Variants in BCL9 observed in about 807,000 individuals in gnomAD.
BCL9 encodes B-cell CLL/lymphoma 9 protein.
A neutral mutation model predicts 88.5 loss-of-function variants in BCL9; 25 were observed. The observed-to-expected ratio is 0.28, with a 90% CI of 0.21 to 0.39. The LOEUF is 0.39. Ranked by LOEUF, BCL9 falls within the 10% of genes least tolerant of loss-of-function variation. The pLI is 1.00. For missense variants in BCL9, 1,817 were observed against 1,877.8 expected (o/e 0.97, Z 0.60); for synonymous variants, 711 against 673.3 (o/e 1.06, Z -0.87).
intron 1 of BCL9, among the ~76,000 whole-genome samples, chr1:147,579,824 C>G (rs781993833): frequency 3.6e-4 from 55 of 152,154 alleles, no homozygotes; most frequent in Non-Finnish European, 6.8e-4. Context: ...AATATTAACT[C>G]GAACCACAGC....
intron 7 of BCL9, among the ~76,000 whole-genome samples, chr1:147,616,379 G>A (rs1358292173): frequency 6.6e-6 from 1 of 152,210 alleles, no homozygotes; most frequent in African/African-American, 2.4e-5. Flanking sequence ...TAAGACCATT[G>A]AATGTTTTTA....
At chr1:147,582,167 A>G (rs1214482626) in intron 1 of BCL9, among the ~76,000 whole-genome samples, 1 of 152,234 alleles carries the variant, frequency 6.6e-6, no homozygotes, top group Non-Finnish European at 1.5e-5. Context: ...ACTGTTTCAT[A>G]TAACTTTATA....
intron 1 of BCL9, among the ~76,000 whole-genome samples, chr1:147,548,464 C>T (rs1553194482): frequency 6.6e-6 from 1 of 152,176 alleles, no homozygotes; most frequent in Non-Finnish European, 1.5e-5. Context: ...GGCATTTCTT[C>T]TGGGAAGTTT....
chr1:147,596,773 T>TATTA (rs1570879432), intron 1 of BCL9, among the ~76,000 whole-genome samples: 1 of 152,170 alleles, frequency 6.6e-6, no homozygotes, highest in African/African-American at 2.4e-5. Context: ...CATTTTCAAT[T>TATTA]ATTAATGACT....
intron 1 of BCL9, among the ~76,000 whole-genome samples, chr1:147,556,817 C>T (rs1444094378): frequency 6.6e-6 from 1 of 152,138 alleles, no homozygotes; most frequent in Non-Finnish European, 1.5e-5. Flanking sequence ...TGAGACAGCT[C>T]CTGCTCAATA....
At chr1:147,572,339 T>A (rs1290250234) in intron 1 of BCL9, among the ~76,000 whole-genome samples, 1 of 152,194 alleles carries the variant, frequency 6.6e-6, no homozygotes, top group Non-Finnish European at 1.5e-5. Context: ...TACATTCTTG[T>A]GGGGTATAAG....
intron 1 of BCL9, among the ~76,000 whole-genome samples, chr1:147,562,331 A>AAAATAAAT (rs112623935): frequency 0.014 from 2,083 of 152,116 alleles, 55 homozygotes; most frequent in African/African-American, 0.048. Flanking sequence ...TTCCATCTCA[A>AAAATAAAT]AAATAAATAA....
At chr1:147,613,342 A>G (rs950141141) in intron 5 of BCL9, 143 bp downstream of exon 5, 3 of 820,570 alleles carry the variant, frequency 3.7e-6, no homozygotes, top group Non-Finnish European at 5.7e-6. Flanking sequence ...ACAGTTTATG[A>G]TGGAACTATT....
chr1:147,572,248 A>G (rs371803809), intron 1 of BCL9, among the ~76,000 whole-genome samples: 7 of 147,504 alleles, frequency 4.7e-5, no homozygotes, highest in Non-Finnish European at 1.1e-4. Flanking sequence ...GTCTCAAAAA[A>G]ACAAAAACAA....
At chr1:147,587,397 C>T (rs1656661788) in intron 1 of BCL9, among the ~76,000 whole-genome samples, 1 of 152,178 alleles carries the variant, frequency 6.6e-6, no homozygotes, top group African/African-American at 2.4e-5. Context: ...GCCGCCCCTC[C>T]CCCGGAACAG....
At chr1:147,549,524 C>CTT (rs1553194594) in intron 1 of BCL9, among the ~76,000 whole-genome samples, 5 of 152,162 alleles carry the variant, frequency 3.3e-5, no homozygotes, top group Admixed American at 1.3e-4. Flanking sequence ...TCTGGACAAT[C>CTT]AGAGAATAGA....
Position 147,620,591 on chromosome 1 carries a change from C to T in BCL9, c.2436C>T (p.Ser812=). The T allele has an allele frequency of 6.2e-7, 1 of 1,614,190 alleles. No homozygotes were observed. The highest frequency in any genetic ancestry group is 8.5e-7 in the Non-Finnish European group (1 of 1,180,024). ...EPIGPDQRTN[S]RLSHMPPLPL... is the part of the protein sequence containing the mutation. ...TTGGGCCCGACCAGAGGACTAACAG[C>T]CGGCTCAGTCATATGCCACCACTAC... The change falls in exon 8 of 10, where the codon AGC becomes AGT. Residue 812 remains serine (S), a synonymous_variant. Coordinates refer to ENST00000234739, the MANE Select transcript of BCL9 (RefSeq NM_004326.4).
At chr1:147,613,254 G>C in intron 5 of BCL9, 55 bp downstream of exon 5, 1 of 1,585,528 alleles carries the variant, frequency 6.3e-7, no homozygotes, top group Non-Finnish European at 8.7e-7. Context: ...CTGAGGGAAG[G>C]CCTCTGACAT....
At chr1:147,601,103 C>T (rs1038933581) in intron 1 of BCL9, among the ~76,000 whole-genome samples, 17 of 152,092 alleles carry the variant, frequency 1.1e-4, no homozygotes, top group African/African-American at 3.9e-4. Context: ...GGGAAGGCTA[C>T]CAAGCATGAA....
intron 1 of BCL9, among the ~76,000 whole-genome samples, chr1:147,565,020 G>A (rs1553196534): frequency 1.3e-5 from 2 of 152,214 alleles, no homozygotes; most frequent in Non-Finnish European, 2.9e-5. Flanking sequence ...GGGCAGTGCA[G>A]ATAGAGAACA....
At chr1:147,584,202 C>G (rs1378903386) in intron 1 of BCL9, among the ~76,000 whole-genome samples, 2 of 151,972 alleles carry the variant, frequency 1.3e-5, no homozygotes, top group East Asian at 3.9e-4. Flanking sequence ...CGCACGCCAC[C>G]ACACCCAGCT....
intron 1 of BCL9, among the ~76,000 whole-genome samples, chr1:147,571,336 T>C (rs1472629534): frequency 6.6e-6 from 1 of 152,172 alleles, no homozygotes; most frequent in East Asian, 1.9e-4. Context: ...TTGAGCCTTC[T>C]GGCCAACCAT....
intron 1 of BCL9, among the ~76,000 whole-genome samples, chr1:147,546,091 C>T (rs1654572120): frequency 1.3e-5 from 2 of 152,140 alleles, no homozygotes; most frequent in South Asian, 4.1e-4. Flanking sequence ...AATCCCAGCA[C>T]TTTGGGAGGC....
Position 147,620,389 on chromosome 1 carries a change from A to G in BCL9, c.2234A>G (p.Glu745Gly). 6.2e-7 allele frequency: 1 copy of G among 1,613,758 alleles called. No homozygotes were observed. The highest frequency in any genetic ancestry group is 1.1e-5 in the South Asian group (1 of 91,046). ...ATGAGAGAGGCTGGGGCGGGCCCTG[A>G]GGAGATGCTGAAATTACGCCCAGGT... ...QKMREAGAGPEEMLKLRPGGS... is the reference protein window; with the variant it reads ...QKMREAGAGPGEMLKLRPGGS... The change falls in exon 8 of 10, where the codon GAG (glutamate) becomes GGG (glycine). Residue 745 changes from glutamate to glycine, a missense_variant. Glu to Gly is a moderately conservative substitution (Grantham distance 98). Coordinates refer to ENST00000234739, the MANE Select transcript of BCL9 (RefSeq NM_004326.4).
Sources: gnomAD v4.1 joint callset for allele counts (sites outside exome capture counted in the v4.1 genomes callset) on GRCh38, gnomAD v4.1.1 for gene constraint, MANE v1.5 for transcripts, NCBI Gene and HGNC (gene_info 2026-07-23, HGNC 2026-07-21) for gene names.